Variants in EHMT2 observed in about 807,000 individuals in gnomAD.
EHMT2 encodes the protein euchromatic histone lysine methyltransferase 2, also known as histone-lysine N-methyltransferase EHMT2.
Under a neutral mutation model 143.3 loss-of-function variants are expected in EHMT2, and 59 were observed. The ratio of observed to expected loss-of-function variants is 0.41; its 90% CI spans 0.33 to 0.51. The LOEUF (loss-of-function observed/expected upper bound fraction) is 0.51, where lower values mean the gene tolerates loss of function less well. Ranked by LOEUF, EHMT2 falls within the 20% of genes least tolerant of loss-of-function variation. The pLI, the probability that EHMT2 is intolerant of heterozygous loss-of-function variation, is 0.18. For synonymous variants in EHMT2, 604 were observed against 651.5 expected, an observed-to-expected ratio of 0.93 and a Z score of 1.11; for missense variants, 1,174 against 1,645.9, an observed-to-expected ratio of 0.71 and a Z score of 4.96.
intron 1 of EHMT2, 197 bp from the exon 2 acceptor site, chr6:31,897,186 C>T: frequency 7.7e-7 from 1 of 1,291,998 alleles, no homozygotes; most frequent in Non-Finnish European, 9.9e-7. Context: ...CCCCCTCCCT[C>T]TCGGTAGACC....
At chr6:31,894,491 C>T (rs892476414) in intron 4 of EHMT2, among the ~76,000 whole-genome samples, 14 of 152,094 alleles carry the variant, frequency 9.2e-5, no homozygotes, top group Admixed American at 8.5e-4. Context: ...CTATGTTGGC[C>T]AGGCTGGTCT....
exon 19 of EHMT2, chr6:31,885,005 C>T (rs1373025880): frequency 1.2e-6 from 2 of 1,608,354 alleles, no homozygotes; most frequent in Admixed American, 1.7e-5. Context: ...TGGGCGTCCA[C>T]CCCCCACTGT....
At chr6:31,894,122 A>G (rs894316297) in intron 4 of EHMT2, among the ~76,000 whole-genome samples, 2 of 150,460 alleles carry the variant, frequency 1.3e-5, no homozygotes, top group Non-Finnish European at 3.0e-5. Context: ...CTACAGGCAC[A>G]TGCCACCACG....
chr6:31,888,752 G>A lies in EHMT2; in HGVS notation c.1217-5C>T, dbSNP rs757132864. The A allele has an allele frequency of 6.2e-7, 1 of 1,612,414 alleles. No individual in the cohort carries two copies. The highest frequency in any genetic ancestry group is 1.7e-5 in the Admixed American group (1 of 60,008). On this transcript the variant is annotated splice_region_variant and splice_polypyrimidine_tract_variant and intron_variant, in intron 10 of 27. Coordinates refer to ENST00000375537, the Ensembl canonical transcript of EHMT2. The surrounding 1 kb of genome is among the most constrained non-coding windows in gnomAD (Gnocchi z 7.4). ...AAGATGTGTCATTGGACACCCCTTG[G>A]ATGGAGGAAAAGAGGAGCTGAGGGA...
Position 31,884,313 on chromosome 6 carries a change from G to T in EHMT2, c.2771+79C>A. 1 of 1,499,828 alleles carries T rather than the reference G, an allele frequency of 6.7e-7. No homozygotes were observed. Among genetic ancestry groups the T allele is most frequent in the Non-Finnish European group, 9.0e-7 (1 of 1,110,394 alleles). 92.9% of individuals were successfully genotyped at this position (1,499,828 alleles called of 1,614,324 possible). ...GCATGGGGAGGGGTTGGGGAATGTT[G>T]TGAGGATGCAATGGAGCCTGGGGAG... On this transcript the variant is annotated intron_variant, in intron 21 of 27. Coordinates refer to ENST00000375537, the Ensembl canonical transcript of EHMT2. This position sits in a 1 kb window ranked among gnomAD's most constrained non-coding sequence, Gnocchi z 7.3.
chr6:31,889,111 G>C lies in EHMT2; in HGVS notation c.1115-41C>G, dbSNP rs763105615. On this transcript the variant is annotated intron_variant, in intron 9 of 27. Coordinates refer to ENST00000375537, the Ensembl canonical transcript of EHMT2. This position sits in a 1 kb window ranked among gnomAD's most constrained non-coding sequence, Gnocchi z 5.1. The stretch of plus-strand genomic sequence containing the variant: ...AGAGAGTGAGAGTGCGAGCTCACAG[G>C]TGCCTGGACGCGTGGGTACATGCAG... 3.8e-5 allele frequency: 60 copies of C among 1,562,204 alleles called. No individual in the cohort carries two copies.
rs529431127 is a variant in EHMT2, at chr6:31,883,116, T to C, written c.2995-107A>G. 10 of 1,052,516 alleles carry C rather than the reference T, an allele frequency of 9.5e-6. No individual in the cohort carries two copies. In the African/African-American group the frequency reaches 1.1e-4, roughly 12 times the overall value. The allele number at this position is 1,052,516 out of a possible 1,614,324, so 65.2% of individuals were successfully genotyped here. A position where few individuals can be genotyped will look rare whatever the true frequency, so the allele number is the denominator to read the frequency against. On this transcript the variant is annotated intron_variant, in intron 23 of 27. Transcript: ENST00000375537. This position sits in a 1 kb window ranked among gnomAD's most constrained non-coding sequence, Gnocchi z 5.6. ...GACAGGGAAGTTGGGGTTGGGGAGG[T>C]CACACAGGCTCTGAGATCCGAGAGC...
exon 2 of EHMT2, chr6:31,896,942 G>T: frequency 6.3e-7 from 1 of 1,594,490 alleles, no homozygotes; most frequent in Non-Finnish European, 8.5e-7. Flanking sequence ...TGGCTCCTCT[G>T]GTTTCCTTCT....
intron 7 of EHMT2, among the ~76,000 whole-genome samples, chr6:31,890,898 A>G (rs926265788): frequency 2.0e-5 from 3 of 151,642 alleles, no homozygotes; most frequent in Non-Finnish European, 4.4e-5. Flanking sequence ...ACAAACACAA[A>G]GAAGATGGGG....
chr6:31,880,270 A>G lies in EHMT2; in HGVS notation c.3453-6T>C. 6.2e-7 allele frequency: 1 copy of G among 1,607,286 alleles called. No individual in the cohort carries two copies. Among genetic ancestry groups the G allele is most frequent in the East Asian group, 2.2e-5 (1 of 44,684 alleles). The stretch of plus-strand genomic sequence containing the variant: ...AGCGGTCGCCATAGTCAAACCTGTC[A>G]GAGGAAAACAGGAGCTTGTGGGACC... On this transcript the variant is annotated splice_polypyrimidine_tract_variant and splice_region_variant and intron_variant, in intron 27 of 27. Transcript: ENST00000375537. The surrounding 1 kb of genome is among the most constrained non-coding windows in gnomAD (Gnocchi z 6.6).
At position 31,889,822 on chromosome 6, in the gene EHMT2, T is replaced by C. The variant is rs1220027489; in HGVS notation, c.865-220A>G. On this transcript the variant is annotated intron_variant, in intron 7 of 27. Coordinates refer to ENST00000375537, the Ensembl canonical transcript of EHMT2. The surrounding 1 kb of genome is among the most constrained non-coding windows in gnomAD (Gnocchi z 5.1). The stretch of plus-strand genomic sequence containing the variant: ...AGACAGCAATGTGCACAGATCTTGG[T>C]AATGTGATATTAAGTTAAAAAACAA... Among the ~76,000 whole-genome samples, 3 of 152,144 alleles carry C rather than the reference T, an allele frequency of 2.0e-5. No individual in the cohort carries two copies. The highest frequency in any genetic ancestry group is 7.2e-5 in the African/African-American group (3 of 41,400).
At position 31,897,622 on chromosome 6, in the gene EHMT2, C is replaced by G; in HGVS notation, c.42+14G>C. The G allele has an allele frequency of 1.7e-6, 2 of 1,150,180 alleles. No individual in the cohort carries two copies. Among genetic ancestry groups the G allele is most frequent in the Non-Finnish European group, 2.1e-6 (2 of 935,638 alleles). The allele number at this position is 1,150,180 out of a possible 1,614,324, so 71.2% of individuals were successfully genotyped here. A position where few individuals can be genotyped will look rare whatever the true frequency, so the allele number is the denominator to read the frequency against. On this transcript the variant is annotated intron_variant, in intron 1 of 27. Coordinates refer to ENST00000375537, the Ensembl canonical transcript of EHMT2. ...CGCGGGCATGCACCCGCCTCTCCCC[C>G]TCCCCTTCCGCACCTCGGCGGCCGC...
chr6:31,883,912 CAG>C lies in EHMT2; in HGVS notation c.2808_2809del (p.Val938GlnfsTer10), dbSNP rs1554260345. On this transcript the variant is annotated frameshift_variant, in exon 22 of 28. Coordinates refer to ENST00000375537, the Ensembl canonical transcript of EHMT2. LOFTEE classifies it high-confidence loss of function. The surrounding 1 kb of genome is among the most constrained non-coding windows in gnomAD (Gnocchi z 5.6). ...GGGCTCCCCATCCACACCGTTGACA[CAG>C]GGAATGGGCACGTTCTCATAGCCCC... The C allele has an allele frequency of 6.2e-7, 1 of 1,613,974 alleles. No individual in the cohort carries two copies. Among genetic ancestry groups the C allele is most frequent in the Non-Finnish European group, 8.5e-7 (1 of 1,179,966 alleles).
Position 31,889,083 on chromosome 6 carries a change from CAG to C in EHMT2, c.1115-15_1115-14del. On this transcript the variant is annotated splice_polypyrimidine_tract_variant and intron_variant, in intron 9 of 27. Coordinates refer to ENST00000375537, the Ensembl canonical transcript of EHMT2. This position sits in a 1 kb window ranked among gnomAD's most constrained non-coding sequence, Gnocchi z 5.1. ...ACACCATTCACTCCTGACACAGAGA[CAG>C]AGAGAGTGAGAGTGCGAGCTCACAG... The C allele has an allele frequency of 1.3e-6, 2 of 1,595,740 alleles. No individual in the cohort carries two copies. Among genetic ancestry groups the C allele is most frequent in the Non-Finnish European group, 1.7e-6 (2 of 1,171,318 alleles).
Position 31,891,857 on chromosome 6 carries a change from T to C in EHMT2, c.864+550A>G, listed in dbSNP as rs368226524. 3.9e-5 allele frequency among the ~76,000 whole-genome samples: 6 copies of C among 152,318 alleles called. No homozygotes were observed. The East Asian group carries it at 5.8e-4, about 15-fold the overall frequency. On this transcript the variant is annotated intron_variant, in intron 7 of 27. Coordinates refer to ENST00000375537, the Ensembl canonical transcript of EHMT2. ...ACAGTACATGTCTGTTAAATGGTCA[T>C]TTCATTAGCTGATTAAAAAAAAAAG...
intron 7 of EHMT2, among the ~76,000 whole-genome samples, chr6:31,890,354 T>C (rs1765526608): frequency 6.6e-6 from 1 of 152,070 alleles, no homozygotes. Context: ...CCTCCTGGAT[T>C]CAAGCAATTC....
In EHMT2 at chr6:31,889,095, G is replaced by C. The variant is rs769949878; in HGVS notation, c.1115-25C>G. 8 of 1,583,886 alleles carry C rather than the reference G, an allele frequency of 5.1e-6. No individual in the cohort carries two copies. In the East Asian group the frequency reaches 1.1e-4, roughly 22 times the overall value. On this transcript the variant is annotated intron_variant, in intron 9 of 27. Transcript: ENST00000375537. The surrounding 1 kb of genome is among the most constrained non-coding windows in gnomAD (Gnocchi z 5.1). Reference sequence around the variant, plus strand: ...CCTGACACAGAGACAGAGAGAGTGAGAGTGCGAGCTCACAGGTGCCTGGAC... The same window carrying C: ...CCTGACACAGAGACAGAGAGAGTGACAGTGCGAGCTCACAGGTGCCTGGAC...
Position 31,887,469 on chromosome 6 carries a change from C to T in EHMT2, c.2011+108G>A. The T allele has an allele frequency of 2.0e-6, 2 of 977,398 alleles. 1 individual carries two copies. The highest frequency in any genetic ancestry group is 2.9e-5 in the South Asian group (2 of 70,062). 60.5% of individuals were successfully genotyped at this position (977,398 alleles called of 1,614,324 possible). ...CTTTTCCCCACCACACTAAGTCCTT[C>T]AGGGCAAGGACTGTGTCCTTCACGA... is the stretch of plus-strand genomic sequence containing the variant. On this transcript the variant is annotated intron_variant, in intron 15 of 27. Transcript: ENST00000375537.
chr6:31,890,637 G>A (rs984564972), intron 7 of EHMT2, among the ~76,000 whole-genome samples: 1 of 150,804 alleles, frequency 6.6e-6, no homozygotes, highest in African/African-American at 2.4e-5. Context: ...AGGCCGAGGT[G>A]GGCAGATCAC....
Sources: allele counts gnomAD v4.1 joint callset (sites outside exome capture counted in the v4.1 genomes callset), GRCh38; gene constraint gnomAD v4.1.1; non-coding constraint Gnocchi (gnomAD v3.1); transcripts MANE v1.5; gene names NCBI Gene and HGNC (gene_info 2026-07-23, HGNC 2026-07-21).